Variants in FOXM1 observed in about 807,000 individuals in gnomAD.
FOXM1 encodes forkhead box M1.
A neutral mutation model predicts 63.6 loss-of-function variants in FOXM1; 25 were observed. The observed-to-expected ratio is 0.39, with a 90% confidence interval of 0.29 to 0.55. The LOEUF is 0.55. Ranked by LOEUF, FOXM1 falls within the 20% of genes least tolerant of loss-of-function variation. The pLI is 0.60. For synonymous variants in FOXM1, 387 were observed against 376.9 expected (o/e 1.03, Z -0.31); for missense variants, 879 against 958.7 (o/e 0.92, Z 1.10).
Position 2,870,194 on chromosome 12 carries a change from T to C in FOXM1, c.655-1440A>G, listed in dbSNP as rs10848717. On this transcript the variant is annotated intron_variant, in intron 3 of 8. Transcript: ENST00000359843. ...TAGTAGAGGCGGGGTCAGGCTGGTC[T>C]GGAACTCCCGACGTCAGGTGATCCA... is the stretch of plus-strand genomic sequence containing the variant. 1.7e-3 allele frequency among the ~76,000 whole-genome samples: 259 copies of C among 152,024 alleles called. 1 individual carries two copies. Among genetic ancestry groups the C allele is most frequent in the Non-Finnish European group, 2.1e-3 (145 of 67,974 alleles).
rs1475674063 is a variant in FOXM1, at chr12:2,864,819, A to G, written c.1021-67T>C. The G allele has an allele frequency of 2.0e-6, 3 of 1,526,764 alleles. No individual in the cohort carries two copies. Among genetic ancestry groups the G allele is most frequent in the East Asian group, 4.5e-5 (2 of 44,446 alleles). The allele number at this position is 1,526,764 out of a possible 1,614,324, so 94.6% of individuals were successfully genotyped here. Reference sequence around the variant, plus strand: ...ACAATAAGGTAAAGAGGGGATGGCAAAACCCCACCAGCTGCTCTGGTGGTG... The same window carrying G: ...ACAATAAGGTAAAGAGGGGATGGCAGAACCCCACCAGCTGCTCTGGTGGTG... On this transcript the variant is annotated intron_variant, in intron 6 of 8. Coordinates refer to ENST00000359843, the MANE Select transcript of FOXM1 (RefSeq NM_021953.4). This position sits in a 1 kb window ranked among gnomAD's most constrained non-coding sequence, Gnocchi z 5.1.
intron 8 of FOXM1, 159 bp from the exon 9 acceptor site, chr12:2,859,822 G>T (rs2302257): frequency 6.5e-6 from 4 of 612,900 alleles, no homozygotes; most frequent in Non-Finnish European, 1.1e-5. Flanking sequence ...TCAATTCTGG[G>T]GGTAAAAGAT....
chr12:2,865,352 T>G lies in FOXM1; in HGVS notation c.1020+3A>C. On this transcript the variant is annotated splice_donor_region_variant and intron_variant, in intron 6 of 8. Transcript: ENST00000359843. ...GCCCCGAGCCAGAGGGAAAGAACCT[T>G]ACTGATTCCAAGTGCTCGGGCAATT... The G allele has an allele frequency of 6.2e-7, 1 of 1,610,032 alleles. No homozygotes were observed.
At chr12:2,861,649 A>G (rs2098113578) in intron 8 of FOXM1, among the ~76,000 whole-genome samples, 1 of 152,162 alleles carries the variant, frequency 6.6e-6, no homozygotes. Flanking sequence ...ACAATCTCAC[A>G]TCTGGGACTC....
Position 2,874,529 on chromosome 12 carries a change from GA to G in FOXM1, c.-47-5del. ...TTGAGAATCACAAGTGTGGACCCTG[GA>G]AAATGCAAATAGTGGCAAGATGTTA... On this transcript the variant is annotated splice_polypyrimidine_tract_variant and splice_region_variant and intron_variant, in intron 1 of 8. Transcript: ENST00000359843. The surrounding 1 kb of genome is among the most constrained non-coding windows in gnomAD (Gnocchi z 4.3). 1 of 1,532,582 alleles carries G rather than the reference GA, an allele frequency of 6.5e-7. No homozygotes were observed. The highest frequency in any genetic ancestry group is 8.7e-7 in the Non-Finnish European group (1 of 1,144,814). The allele number at this position is 1,532,582 out of a possible 1,614,324, so 94.9% of individuals were successfully genotyped here. A position where few individuals can be genotyped will look rare whatever the true frequency, so the allele number is the denominator to read the frequency against.
intron 3 of FOXM1, among the ~76,000 whole-genome samples, chr12:2,869,063 T>C (rs2098128460): frequency 6.6e-6 from 1 of 152,194 alleles, no homozygotes; most frequent in Non-Finnish European, 1.5e-5. Flanking sequence ...TCTCAAAGCA[T>C]TGATGTTACA....
chr12:2,864,340 G>T lies in FOXM1; in HGVS notation c.1246C>A (p.Arg416=), dbSNP rs1303736566. 6.2e-7 allele frequency: 1 copy of T among 1,613,250 alleles called. No individual in the cohort carries two copies. Among genetic ancestry groups the T allele is most frequent in the East Asian group, 2.2e-5 (1 of 44,844 alleles). Residue 416 remains arginine, a synonymous_variant, in exon 8 of 9, where the codon CGA becomes AGA. Coordinates refer to ENST00000359843, the MANE Select transcript of FOXM1 (RefSeq NM_021953.4). This position sits in a 1 kb window ranked among gnomAD's most constrained non-coding sequence, Gnocchi z 5.1. ...MSSELARHSK[R]VRIAPKVLLA... ...CCCACCTTGGGGGCAATGCGGACTC[G>T]CTTGCTATGGCGGGCAAGCTCTGAG...
At chr12:2,862,076 G>A (rs550485181) in intron 8 of FOXM1, among the ~76,000 whole-genome samples, 5 of 151,996 alleles carry the variant, frequency 3.3e-5, no homozygotes, top group Non-Finnish European at 5.9e-5. Flanking sequence ...CTACTCAGGA[G>A]GCCGAGGCAG....
intron 8 of FOXM1, among the ~76,000 whole-genome samples, chr12:2,862,933 G>T (rs1006488175): frequency 6.6e-6 from 1 of 152,012 alleles, no homozygotes; most frequent in African/African-American, 2.4e-5. Flanking sequence ...GGGGATGGGG[G>T]AAGCTTTTCA....
At position 2,866,420 on chromosome 12, in the gene FOXM1, G is replaced by T. The variant is rs773105134; in HGVS notation, c.948C>A (p.Arg316=). ...TAAACACCTGGTCCAATGTCAAGTA[G>T]CGGTTGGCACTGGGGTGAATGGTCC... ...SFWTIHPSAN[R]YLTLDQVFKP... Residue 316 remains arginine (R), a synonymous_variant, in exon 5 of 9, where the codon CGC becomes CGA. Transcript: ENST00000359843. 29 of 1,530,648 alleles carry T rather than the reference G, an allele frequency of 1.9e-5. No homozygotes were observed. 94.8% of individuals were successfully genotyped at this position (1,530,648 alleles called of 1,614,324 possible).
chr12:2,865,370 G>C lies in FOXM1; in HGVS notation c.1005C>G (p.Pro335=). ...KPLDPGSPQL[P]EHLESQQKRP... is the part of the protein sequence containing the mutation. ...AGAACCTTACTGATTCCAAGTGCTC[G>C]GGCAATTGTGGAGACCCTGGGTCCA... Residue 335 remains proline (P), a synonymous_variant, in exon 6 of 9, where the codon CCC becomes CCG. Transcript: ENST00000359843. The C allele has an allele frequency of 1.2e-6, 2 of 1,611,000 alleles. No individual in the cohort carries two copies. The highest frequency in any genetic ancestry group is 1.7e-6 in the Non-Finnish European group (2 of 1,178,348).
Position 2,868,800 on chromosome 12 carries a change from G to C in FOXM1, c.655-46C>G, listed in dbSNP as rs28990702. 15,060 of 1,509,510 alleles carry C rather than the reference G, an allele frequency of 1.0e-2. 1,193 individuals carry two copies. The African/African-American group carries it at 0.18, about 18-fold the overall frequency. 93.5% of individuals were successfully genotyped at this position (1,509,510 alleles called of 1,614,324 possible). A position where few individuals can be genotyped will look rare whatever the true frequency, so the allele number is the denominator to read the frequency against. On this transcript the variant is annotated intron_variant, in intron 3 of 8. Transcript: ENST00000359843. ...AATGACATGAAAGAGTTCATGAGAA[G>C]CACCCCCAACCCAAGCCCTTGAAGA...
In FOXM1 at chr12:2,864,863, A is replaced by G. The variant is rs2098120315; in HGVS notation, c.1021-111T>C. 1 of 1,249,478 alleles carries G rather than the reference A, an allele frequency of 8.0e-7. No homozygotes were observed. Among genetic ancestry groups the G allele is most frequent in the Admixed American group, 1.7e-5 (1 of 58,456 alleles). The allele number at this position is 1,249,478 out of a possible 1,614,324, so 77.4% of individuals were successfully genotyped here. A position where few individuals can be genotyped will look rare whatever the true frequency, so the allele number is the denominator to read the frequency against. On this transcript the variant is annotated intron_variant, in intron 6 of 8. Coordinates refer to ENST00000359843, the MANE Select transcript of FOXM1 (RefSeq NM_021953.4). The surrounding 1 kb of genome is among the most constrained non-coding windows in gnomAD (Gnocchi z 5.1). ...GGTGGTGTGTGCTTGAGTTAATGACAGCCCAGAGAGAGGAGGCCAACCTGA... is the reference window on the plus strand; with the variant it reads ...GGTGGTGTGTGCTTGAGTTAATGACGGCCCAGAGAGAGGAGGCCAACCTGA...
In FOXM1 at chr12:2,874,658, T is replaced by TACAAAAGTCCA; in HGVS notation, c.-47-134_-47-133insTGGACTTTTGT. 1 of 636,382 alleles carries TACAAAAGTCCA rather than the reference T, an allele frequency of 1.6e-6. No homozygotes were observed. Among genetic ancestry groups the TACAAAAGTCCA allele is most frequent in the Non-Finnish European group, 2.7e-6 (1 of 368,490 alleles). 39.4% of individuals were successfully genotyped at this position (636,382 alleles called of 1,614,324 possible). ...GCCCAGGTAAACATTCCATGGACTT[T>TACAAAAGTCCA]TGTAAAGACCTCAGATAATAAGGAG... On this transcript the variant is annotated intron_variant, in intron 1 of 8. Transcript: ENST00000359843. The surrounding 1 kb of genome is among the most constrained non-coding windows in gnomAD (Gnocchi z 4.3).
At chr12:2,863,392 TTTTTC>T (rs1399130587) in intron 8 of FOXM1, among the ~76,000 whole-genome samples, 3 of 152,146 alleles carry the variant, frequency 2.0e-5, no homozygotes, top group Non-Finnish European at 2.9e-5. Flanking sequence ...AAATCTACTT[TTTTTC>T]TTTTCTTTTT....
intron 1 of FOXM1, 135 bp downstream of exon 1, chr12:2,876,785 T>C (rs2098145105): frequency 6.6e-6 from 1 of 152,318 alleles, no homozygotes; most frequent in South Asian, 2.1e-4. Flanking sequence ...CTGGCTCAGA[T>C]TCTTCCCGTG....
At chr12:2,875,428 C>A (rs1395367144) in intron 1 of FOXM1, among the ~76,000 whole-genome samples, 1 of 152,178 alleles carries the variant, frequency 6.6e-6, no homozygotes, top group Admixed American at 6.6e-5. Flanking sequence ...AAAATGGAAA[C>A]CTCTACTGAA....
In FOXM1 at chr12:2,874,988, A is replaced by ATTTTTTTT. The variant is rs556937133; in HGVS notation, c.-47-471_-47-464dup. Reference sequence around the variant, plus strand: ...AATCCATTCAAGACAAAGGATTTTAATTTTTTTTTTTTTTTTTTTTTTGAG... The same window carrying ATTTTTTTT: ...AATCCATTCAAGACAAAGGATTTTAATTTTTTTTTTTTTTTTTTTTTTTTTTTTTTGAG... On this transcript the variant is annotated intron_variant, in intron 1 of 8. Transcript: ENST00000359843. The surrounding 1 kb of genome is among the most constrained non-coding windows in gnomAD (Gnocchi z 4.3). 7.9e-6 allele frequency among the ~76,000 whole-genome samples: 1 copy of ATTTTTTTT among 127,164 alleles called. No homozygotes were observed. 83.4% of individuals were successfully genotyped at this position (127,164 alleles called of 152,430 possible).
rs544661631 is a variant in FOXM1 at position 2,873,925 on chromosome 12, C to T, written c.502+52G>A. The T allele has an allele frequency of 2.2e-5, 34 of 1,562,820 alleles. No individual in the cohort carries two copies. In the South Asian group the frequency reaches 3.9e-4, roughly 18 times the overall value. ...TCAAGACTGACTACACACCTTGCCA[C>T]TACAGAGGAAAGGCTGGGCTCCCTC... On this transcript the variant is annotated intron_variant, in intron 2 of 8. Coordinates refer to ENST00000359843, the MANE Select transcript of FOXM1 (RefSeq NM_021953.4).
Sources: allele counts gnomAD v4.1 joint callset (sites outside exome capture counted in the v4.1 genomes callset), GRCh38; gene constraint gnomAD v4.1.1; non-coding constraint Gnocchi (gnomAD v3.1); transcripts MANE v1.5; gene names NCBI Gene and HGNC (gene_info 2026-07-23, HGNC 2026-07-21).